CDHR3: variants seen among roughly 807,000 people sequenced by gnomAD.
CDHR3 encodes the protein cadherin-related family member 3.
In CDHR3, 79 loss-of-function variants were observed where a neutral mutation model predicts 86.6. The observed-to-expected ratio is 0.91, with a 90% CI of 0.76 to 1.10. The LOEUF is 1.10. CDHR3 is among the 50% of genes least tolerant of loss of function. The pLI, the probability that CDHR3 is intolerant of heterozygous loss-of-function variation, is 0.00. For synonymous variants in CDHR3, 421 were observed against 402.4 expected, an observed-to-expected ratio of 1.05 and a Z score of -0.55; for missense variants, 1,081 against 1,077.6, an observed-to-expected ratio of 1.00 and a Z score of -0.04.
At chr7:105,993,120 A>G (rs1485628246) in intron 4 of CDHR3, among the ~76,000 whole-genome samples, 1 of 152,212 alleles carries the variant, frequency 6.6e-6, no homozygotes. Flanking sequence ...CAAAACCTCC[A>G]CTGATGATCT....
intron 5 of CDHR3, among the ~76,000 whole-genome samples, chr7:105,995,139 T>C (rs1032799394): frequency 6.6e-6 from 1 of 152,158 alleles, no homozygotes; most frequent in Non-Finnish European, 1.5e-5. Context: ...CCATGCACAT[T>C]TGTGTCTTTC....
chr7:105,964,100 A>G (rs2115572664), intron 1 of CDHR3, among the ~76,000 whole-genome samples: 1 of 152,282 alleles, frequency 6.6e-6, no homozygotes. Context: ...TGCTTAGTAA[A>G]TGTTAGTGAG....
intron 12 of CDHR3, among the ~76,000 whole-genome samples, chr7:106,020,152 T>C (rs1006297174): frequency 1.3e-5 from 2 of 152,102 alleles, no homozygotes; most frequent in African/African-American, 4.8e-5. Context: ...TGAATTCAAA[T>C]CCCAACTCTG....
chr7:106,010,005 A>T (rs1585746051), intron 8 of CDHR3, among the ~76,000 whole-genome samples: 1 of 152,076 alleles, frequency 6.6e-6, no homozygotes, highest in Non-Finnish European at 1.5e-5. Context: ...CGTTTAGGGG[A>T]AGAATACCAA....
At chr7:105,997,756 T>C in intron 6 of CDHR3, among the ~76,000 whole-genome samples, 1 of 152,094 alleles carries the variant, frequency 6.6e-6, no homozygotes, top group East Asian at 1.9e-4. Flanking sequence ...GTAAACCATC[T>C]GGTTTGGATC....
rs375789938 is a variant in CDHR3 at position 106,015,122 on chromosome 7, T to C, written c.1236T>C (p.Asp412=). Residue 412 remains aspartate (D), a synonymous_variant, in exon 10 of 19, where the codon GAT becomes GAC. Coordinates refer to ENST00000317716, the MANE Select transcript of CDHR3 (RefSeq NM_152750.5). The part of the protein sequence containing the change: ...AGSGKIVLIG[D]LDYENPSNLA... ...CTGTTTTAATCTAGCTGATTGGTGA[T>C]CTAGACTACGAAAATCCAAGTAACC... is the stretch of plus-strand genomic sequence containing the variant. The C allele has an allele frequency of 2.0e-5, 32 of 1,606,190 alleles. No individual in the cohort carries two copies. The highest frequency in any genetic ancestry group is 3.4e-6 in the Non-Finnish European group (4 of 1,176,144).
At chr7:106,026,754 T>C (rs149205880) in intron 16 of CDHR3, 59 bp downstream of exon 16, 1 of 1,574,818 alleles carries the variant, frequency 6.3e-7, no homozygotes, top group East Asian at 2.2e-5. Context: ...TTGTGCTACG[T>C]AAAAAGGTTC....
At chr7:106,026,615 G>A (rs1273286295) in intron 15 of CDHR3, 67 bp from the exon 16 acceptor site, 1 of 1,543,828 alleles carries the variant, frequency 6.5e-7, no homozygotes, top group African/African-American at 1.4e-5. Context: ...GAACCCCATG[G>A]TGTCATGTGT....
chr7:106,014,295 C>G (rs1350802529), intron 9 of CDHR3, among the ~76,000 whole-genome samples: 1 of 152,094 alleles, frequency 6.6e-6, no homozygotes, highest in African/African-American at 2.4e-5. Flanking sequence ...GTTCCAAGAC[C>G]CCTAGTGAAT....
intron 5 of CDHR3, 148 bp from the exon 6 acceptor site, chr7:105,996,102 C>T: frequency 3.5e-6 from 2 of 567,262 alleles, no homozygotes. Flanking sequence ...ACCCTGCAGG[C>T]CCTGAGACTG....
At position 105,963,298 on chromosome 7, in the gene CDHR3, G is replaced by T; in HGVS notation, c.-21G>T. ...GCTGTGGCTAATGTGCTGGAAGCAC[G>T]CACAGTTGTGACCATCAAGTATGCA... On this transcript the variant is annotated 5_prime_UTR_variant, in exon 1 of 19. Transcript: ENST00000317716. 6.2e-7 allele frequency: 1 copy of T among 1,613,388 alleles called. No homozygotes were observed. Among genetic ancestry groups the T allele is most frequent in the Non-Finnish European group, 8.5e-7 (1 of 1,179,390 alleles).
At chr7:106,017,741 G>T (rs922496813) in intron 11 of CDHR3, 105 bp from the exon 12 acceptor site, 1 of 822,836 alleles carries the variant, frequency 1.2e-6, no homozygotes, top group Non-Finnish European at 1.9e-6. Flanking sequence ...CAGCAAGGAG[G>T]CCTCCAGAAG....
chr7:106,014,547 C>G (rs544513451), intron 9 of CDHR3, among the ~76,000 whole-genome samples: 3 of 152,154 alleles, frequency 2.0e-5, no homozygotes, highest in Non-Finnish European at 4.4e-5. Context: ...TTTGAGGCCA[C>G]GAGTTTGAGG....
Position 106,035,605 on chromosome 7 carries a change from C to T in CDHR3, c.*2908C>T, listed in dbSNP as rs1838853126. ...GGGCCTGAGCAAGTGACTCAAGGGC[C>T]CAGATACAGTCTTCTCAGTCCAAAT... On this transcript the variant is annotated 3_prime_UTR_variant, in exon 19 of 19. Transcript: ENST00000317716. Among the ~76,000 whole-genome samples the T allele has an allele frequency of 1.3e-5, 2 of 152,194 alleles. No individual in the cohort carries two copies. Among genetic ancestry groups the T allele is most frequent in the African/African-American group, 4.8e-5 (2 of 41,454 alleles).
At chr7:105,979,948 C>T (rs185724969) in intron 2 of CDHR3, among the ~76,000 whole-genome samples, 265 of 152,220 alleles carry the variant, frequency 1.7e-3, no homozygotes, top group Non-Finnish European at 3.0e-3. Flanking sequence ...TCAGCAGGAC[C>T]CTCCCAACAC....
chr7:106,003,905 A>T (rs1833561948), intron 7 of CDHR3, among the ~76,000 whole-genome samples: 1 of 143,836 alleles, frequency 7.0e-6, no homozygotes, highest in Admixed American at 7.4e-5. Flanking sequence ...TAACAAGTAG[A>T]GTGAGGTTTT....
intron 9 of CDHR3, among the ~76,000 whole-genome samples, chr7:106,013,463 G>C (rs1835117536): frequency 6.6e-6 from 1 of 152,192 alleles, no homozygotes; most frequent in Non-Finnish European, 1.5e-5. Context: ...AGAGGAGAGT[G>C]AGACAGTGAG....
At position 106,036,051 on chromosome 7, in the gene CDHR3, G is replaced by T. The variant is rs1838896602; in HGVS notation, c.*3354G>T. 1 of 152,232 alleles carries T rather than the reference G, an allele frequency of 6.6e-6. No homozygotes were observed. Among genetic ancestry groups the T allele is most frequent in the East Asian group, 1.9e-4 (1 of 5,178 alleles). The allele number at this position is 152,232 out of a possible 1,614,324, so 9.4% of individuals were successfully genotyped here. A position where few individuals can be genotyped will look rare whatever the true frequency, so the allele number is the denominator to read the frequency against. ...TCATTCTGATTCATTATAAAACTGG[G>T]GTAAATACGTTCAGGAATTAGACCA... On this transcript the variant is annotated 3_prime_UTR_variant, in exon 19 of 19. Transcript: ENST00000317716.
chr7:105,985,989 G>A (rs1830466860), intron 4 of CDHR3, among the ~76,000 whole-genome samples: 1 of 152,178 alleles, frequency 6.6e-6, no homozygotes, highest in Non-Finnish European at 1.5e-5. Flanking sequence ...ACCAGAGCTT[G>A]TTTGTTGGCA....
Sources: gnomAD v4.1 joint callset for allele counts (sites outside exome capture counted in the v4.1 genomes callset) on GRCh38, gnomAD v4.1.1 for gene constraint, MANE v1.5 for transcripts, NCBI Gene and HGNC (gene_info 2026-07-23, HGNC 2026-07-21) for gene names.